COL5A1: variants seen among roughly 807,000 people sequenced by gnomAD.
The protein encoded by COL5A1 is collagen type V alpha 1 chain, also known as collagen alpha-1(V) chain.
A neutral mutation model predicts 263.7 loss-of-function variants in COL5A1; 16 were observed. The observed-to-expected ratio is 0.06, with a 90% CI of 0.04 to 0.09. The LOEUF is 0.09. COL5A1 is among the 10% of genes least tolerant of loss of function. COL5A1 has a pLI of 1.00. For synonymous variants in COL5A1, 1,012 were observed against 1,004.5 expected, an observed-to-expected ratio of 1.01 and a Z score of -0.14; for missense variants, 2,036 against 2,540.5, an observed-to-expected ratio of 0.80 and a Z score of 4.27.
chr9:134,716,174 T>C lies in COL5A1; in HGVS notation c.655-11092T>C, dbSNP rs992823330. 6.6e-6 allele frequency among the ~76,000 whole-genome samples: 1 copy of C among 152,118 alleles called. No homozygotes were observed. Among genetic ancestry groups the C allele is most frequent in the Non-Finnish European group, 1.5e-5 (1 of 68,006 alleles). ...TGGGGAGTGTTCTGGTGCAATCCCATTTAGTCCTCTGCTCTATGAGGTAGA... is the reference window on the plus strand; with the variant it reads ...TGGGGAGTGTTCTGGTGCAATCCCACTTAGTCCTCTGCTCTATGAGGTAGA... On this transcript the variant is annotated intron_variant, in intron 4 of 65. Transcript: ENST00000371817. This position sits in a 1 kb window ranked among gnomAD's most constrained non-coding sequence, Gnocchi z 4.5.
chr9:134,735,491 G>A (rs1052309670), intron 9 of COL5A1, among the ~76,000 whole-genome samples: 20 of 152,264 alleles, frequency 1.3e-4, no homozygotes, highest in South Asian at 4.1e-4. Flanking sequence ...GGGCGGGAGC[G>A]GGGCCACAGC....
chr9:134,764,381 T>C (rs1836583052), intron 20 of COL5A1, among the ~76,000 whole-genome samples: 2 of 113,556 alleles, frequency 1.8e-5, no homozygotes, highest in Non-Finnish European at 3.5e-5. Flanking sequence ...TTGTGAGGGG[T>C]CCCGGGGCAG....
chr9:134,782,626 C>T (rs1564455490), intron 28 of COL5A1, 41 bp from the exon 29 acceptor site: 1 of 1,599,812 alleles, frequency 6.3e-7, no homozygotes. Flanking sequence ...GGAGGCGGGT[C>T]CTCTTGCCTA....
intron 36 of COL5A1, 26 bp downstream of exon 36, chr9:134,796,927 C>T (rs1455008554): frequency 1.9e-6 from 3 of 1,607,496 alleles, no homozygotes; most frequent in Non-Finnish European, 2.6e-6. Flanking sequence ...CTTGCTGGGC[C>T]AGCACTGCCT....
intron 1 of COL5A1, among the ~76,000 whole-genome samples, chr9:134,656,205 C>A (rs537214461): frequency 1.3e-5 from 2 of 152,246 alleles, no homozygotes; most frequent in African/African-American, 4.8e-5. Flanking sequence ...TCCTGCCCGC[C>A]CAGTGCAGCG....
rs1232024630 is a variant in COL5A1 at position 134,699,946 on chromosome 9, T to C, written c.315T>C (p.Thr105=). Residue 105 remains threonine (T), a synonymous_variant, in exon 3 of 66, where the codon ACT becomes ACC. Coordinates refer to ENST00000371817, the MANE Select transcript of COL5A1 (RefSeq NM_000093.5). ...CCGAGGACTTCTCCATCCTAACAAC[T>C]GTGAAAGCCAAGAAAGGCAGCCAGG... ...AFPEDFSILT[T]VKAKKGSQAF... The C allele has an allele frequency of 3.7e-6, 6 of 1,613,942 alleles. No individual in the cohort carries two copies. The highest frequency in any genetic ancestry group is 4.2e-6 in the Non-Finnish European group (5 of 1,180,040).
intron 5 of COL5A1, 65 bp from the exon 6 acceptor site, chr9:134,728,602 GGAA>G: frequency 6.2e-7 from 1 of 1,609,322 alleles, no homozygotes; most frequent in South Asian, 1.1e-5. Flanking sequence ...GGTTGCGGAA[GGAA>G]GGACAGCAGG....
intron 1 of COL5A1, among the ~76,000 whole-genome samples, chr9:134,674,117 T>G (rs959053461): frequency 1.3e-5 from 2 of 152,194 alleles, no homozygotes; most frequent in African/African-American, 4.8e-5. Context: ...CTGTGTTTTA[T>G]AAGATTAGCC....
chr9:134,643,970 G>A (rs1489960346), intron 1 of COL5A1, among the ~76,000 whole-genome samples: 2 of 152,128 alleles, frequency 1.3e-5, no homozygotes, highest in African/African-American at 2.4e-5. Context: ...GGTTGCCCTC[G>A]CTAATCGAAG....
intron 1 of COL5A1, among the ~76,000 whole-genome samples, chr9:134,683,363 G>C (rs1033440454): frequency 2.0e-5 from 3 of 152,154 alleles, no homozygotes; most frequent in Non-Finnish European, 4.4e-5. Flanking sequence ...TTCCTCCCTG[G>C]GGAGGAGGGC....
chr9:134,838,390 A>G (rs1274089755), intron 65 of COL5A1, among the ~76,000 whole-genome samples: 2 of 152,234 alleles, frequency 1.3e-5, no homozygotes, highest in African/African-American at 4.8e-5. Context: ...AAGGGCAAAG[A>G]GGACCTGCTC....
rs752619850 is a variant in COL5A1 at position 134,731,602 on chromosome 9, C to T, written c.1271C>T (p.Thr424Ile). Residue 424 changes from threonine (T) to isoleucine (I), a missense_variant, in exon 8 of 66, where the codon ACC becomes ATC. Thr to Ile is a moderately conservative substitution (Grantham distance 89, BLOSUM62 -1). Coordinates refer to ENST00000371817, the MANE Select transcript of COL5A1 (RefSeq NM_000093.5). ...TACTACGACCCCTACTACGACCCCACCAGCTCCCCGTCGGAGATCGGGCCG... is the reference window on the plus strand; with the variant it reads ...TACTACGACCCCTACTACGACCCCATCAGCTCCCCGTCGGAGATCGGGCCG... Reference protein sequence around the residue: ...ENYYDPYYDPTSSPSEIGPGM... With the variant: ...ENYYDPYYDPISSPSEIGPGM... The T allele has an allele frequency of 2.5e-6, 4 of 1,614,102 alleles. No homozygotes were observed. Among genetic ancestry groups the T allele is most frequent in the Non-Finnish European group, 3.4e-6 (4 of 1,180,040 alleles).
At chr9:134,768,348 G>A (rs4842162) in intron 24 of COL5A1, 62 bp from the exon 25 acceptor site, 5 of 1,422,118 alleles carry the variant, frequency 3.5e-6, no homozygotes, top group Admixed American at 1.7e-5. Flanking sequence ...CTTGGTGGCC[G>A]ACGGAGAGGT....
At chr9:134,774,279 G>A (rs1836972295) in intron 26 of COL5A1, among the ~76,000 whole-genome samples, 2 of 152,224 alleles carry the variant, frequency 1.3e-5, no homozygotes, top group African/African-American at 4.8e-5. Flanking sequence ...GGGAGCTCCA[G>A]CCGCTGCCGT....
intron 8 of COL5A1, 77 bp downstream of exon 8, chr9:134,731,740 C>A (rs1834890150): frequency 6.6e-7 from 1 of 1,504,688 alleles, no homozygotes; most frequent in Non-Finnish European, 9.0e-7. Flanking sequence ...GCCCAAGAGC[C>A]TCCTCAGGGG....
intron 1 of COL5A1, among the ~76,000 whole-genome samples, chr9:134,673,832 G>A (rs1208010776): frequency 6.6e-6 from 1 of 152,178 alleles, no homozygotes; most frequent in Non-Finnish European, 1.5e-5. Flanking sequence ...AAGAACTTAT[G>A]TCTAAAATGC....
chr9:134,811,471 T>C (rs1164688060), intron 45 of COL5A1, 21 bp from the exon 46 acceptor site: 1 of 1,613,528 alleles, frequency 6.2e-7, no homozygotes, highest in African/African-American at 1.3e-5. Context: ...TCCTCACCCA[T>C]GGCCGGTTAT....
chr9:134,705,481 G>GGAGGAA (rs1833809020), intron 4 of COL5A1, among the ~76,000 whole-genome samples: 1 of 152,246 alleles, frequency 6.6e-6, no homozygotes, highest in African/African-American at 2.4e-5. Flanking sequence ...AGCCACGTAC[G>GGAGGAA]GAGGAAGTGA....
intron 65 of COL5A1, among the ~76,000 whole-genome samples, chr9:134,840,357 C>G (rs78690652): frequency 2.7e-3 from 411 of 152,282 alleles, no homozygotes; most frequent in African/African-American, 9.5e-3. Context: ...TTGGGACTCT[C>G]ATGGATAATA....
Sources: gnomAD v4.1 joint callset for allele counts (sites outside exome capture counted in the v4.1 genomes callset) on GRCh38, gnomAD v4.1.1 for gene constraint, Gnocchi (gnomAD v3.1) non-coding constraint, MANE v1.5 for transcripts, NCBI Gene and HGNC (gene_info 2026-07-23, HGNC 2026-07-21) for gene names.